The following SLC25A21 variants were observed in gnomAD, a reference collection of about 807,000 sequenced individuals.
The protein encoded by SLC25A21 is solute carrier family 25 member 21, also known as mitochondrial 2-oxodicarboxylate carrier.
In SLC25A21, 47 loss-of-function variants were observed where a neutral mutation model predicts 43.8. That is an observed-to-expected ratio of 1.07 (90% CI 0.85 to 1.37). The LOEUF (loss-of-function observed/expected upper bound fraction) is 1.37. SLC25A21 is among the 40% of genes most tolerant of loss of function. The pLI is 0.00. For synonymous variants in SLC25A21, 131 were observed against 121.3 expected, an observed-to-expected ratio of 1.08 and a Z score of -0.52; for missense variants, 352 against 350.2, an observed-to-expected ratio of 1.00 and a Z score of -0.04.
intron 2 of SLC25A21, among the ~76,000 whole-genome samples, chr14:36,861,320 C>T (rs1890059692): frequency 6.6e-6 from 1 of 152,190 alleles, no homozygotes; most frequent in African/African-American, 2.4e-5. Context: ...CTAGAATGTT[C>T]ATGATAGCCA....
chr14:36,707,412 A>G (rs1883620677), intron 7 of SLC25A21, among the ~76,000 whole-genome samples: 1 of 152,158 alleles, frequency 6.6e-6, no homozygotes, highest in Non-Finnish European at 1.5e-5. Flanking sequence ...TTCAATGATG[A>G]CTGAAAGCCA....
intron 1 of SLC25A21, among the ~76,000 whole-genome samples, chr14:37,145,458 CACACACACACACACACACAG>C (rs1359450357): frequency 5.6e-3 from 218 of 39,152 alleles, no homozygotes; most frequent in African/African-American, 0.011. Flanking sequence ...CACACACACA[CACACACACACACACACACAG>C]AGAGATGAGC....
chr14:37,066,985 T>C (rs1160738678), intron 1 of SLC25A21, among the ~76,000 whole-genome samples: 1 of 151,952 alleles, frequency 6.6e-6, no homozygotes, highest in Non-Finnish European at 1.5e-5. Context: ...ATACTAGCAC[T>C]CTAAAAAATG....
At chr14:37,163,186 A>G (rs927781581) in intron 1 of SLC25A21, among the ~76,000 whole-genome samples, 10 of 151,986 alleles carry the variant, frequency 6.6e-5, no homozygotes, top group African/African-American at 2.4e-4. Flanking sequence ...GATATACCTA[A>G]TGCTAGATGA....
chr14:36,783,656 A>T (rs1258882340), intron 3 of SLC25A21, among the ~76,000 whole-genome samples: 2 of 152,090 alleles, frequency 1.3e-5, no homozygotes, highest in Admixed American at 1.3e-4. Flanking sequence ...GGAAAGGGGG[A>T]CATGGGTAAA....
In SLC25A21 at chr14:36,678,954, A is replaced by C. The variant is rs1882046664; in HGVS notation, c.*1704T>G. On this transcript the variant is annotated 3_prime_UTR_variant, in exon 10 of 10. Coordinates refer to ENST00000331299, the MANE Select transcript of SLC25A21 (RefSeq NM_030631.4). Reference sequence around the variant, plus strand: ...TGGATTAAAGGGTTAACTTTTAAAGATTATTATTGGTTAATGTTGACATAT... The same window carrying C: ...TGGATTAAAGGGTTAACTTTTAAAGCTTATTATTGGTTAATGTTGACATAT... 1.0e-6 allele frequency: 1 copy of C among 982,126 alleles called. No homozygotes were observed. Among genetic ancestry groups the C allele is most frequent in the African/African-American group, 1.7e-5 (1 of 57,186 alleles). The allele number at this position is 982,126 out of a possible 1,614,324, so 60.8% of individuals were successfully genotyped here.
intron 1 of SLC25A21, among the ~76,000 whole-genome samples, chr14:36,999,548 T>G (rs1960442635): frequency 6.6e-6 from 1 of 152,158 alleles, no homozygotes; most frequent in South Asian, 2.1e-4. Context: ...GGTTCATCAA[T>G]TGTAACAAAT....
intron 2 of SLC25A21, among the ~76,000 whole-genome samples, chr14:36,852,649 G>A (rs752412554): frequency 2.0e-5 from 3 of 152,088 alleles, no homozygotes; most frequent in South Asian, 2.1e-4. Flanking sequence ...TCTTATTGGC[G>A]TGTGTGTATG....
chr14:37,086,739 C>T (rs1056173196), intron 1 of SLC25A21, among the ~76,000 whole-genome samples: 3 of 152,060 alleles, frequency 2.0e-5, no homozygotes, highest in African/African-American at 7.2e-5. Context: ...TGAGTTAATC[C>T]ATGTGGAGTA....
At chr14:36,964,688 CTATAAA>C (rs1270388042) in intron 1 of SLC25A21, among the ~76,000 whole-genome samples, 1 of 152,176 alleles carries the variant, frequency 6.6e-6, no homozygotes, top group African/African-American at 2.4e-5. Context: ...TAAGCAGTGA[CTATAAA>C]TATAAGTAGA....
chr14:36,953,901 GA>G (rs1959255739), intron 1 of SLC25A21, among the ~76,000 whole-genome samples: 1 of 152,074 alleles, frequency 6.6e-6, no homozygotes, highest in Non-Finnish European at 1.5e-5. Context: ...ACTCTGAAGG[GA>G]AAAAAATTGT....
intron 1 of SLC25A21, among the ~76,000 whole-genome samples, chr14:36,977,956 A>T (rs868635627): frequency 0.024 from 1,654 of 69,870 alleles, 18 homozygotes; most frequent in African/African-American, 0.071. Context: ...TTTTTTTTTA[A>T]AAAAAAAAAA....
At chr14:36,970,379 T>C (rs1594727340) in intron 1 of SLC25A21, among the ~76,000 whole-genome samples, 1 of 152,160 alleles carries the variant, frequency 6.6e-6, no homozygotes, top group African/African-American at 2.4e-5. Flanking sequence ...TTCACTAACA[T>C]ACATGGAAGT....
chr14:37,126,369 A>AT (rs34473280), intron 1 of SLC25A21, among the ~76,000 whole-genome samples: 137 of 149,934 alleles, frequency 9.1e-4, no homozygotes, highest in South Asian at 2.1e-3. Flanking sequence ...AATATACCTA[A>AT]TTTTTTTTTT....
At chr14:36,898,057 A>G (rs1891294201) in intron 1 of SLC25A21, among the ~76,000 whole-genome samples, 1 of 152,186 alleles carries the variant, frequency 6.6e-6, no homozygotes, top group Non-Finnish European at 1.5e-5. Flanking sequence ...ACTCTCTTCA[A>G]AGCTGTCAGA....
intron 3 of SLC25A21, among the ~76,000 whole-genome samples, chr14:36,765,038 CTG>C (rs1886362093): frequency 6.6e-6 from 1 of 152,226 alleles, no homozygotes; most frequent in Non-Finnish European, 1.5e-5. Context: ...TCAATGGGCT[CTG>C]TGATTTCCTT....
At chr14:37,119,518 C>G (rs1963166735) in intron 1 of SLC25A21, among the ~76,000 whole-genome samples, 1 of 151,702 alleles carries the variant, frequency 6.6e-6, no homozygotes, top group Non-Finnish European at 1.5e-5. Context: ...GATAGTGCCA[C>G]TATACTCCAG....
chr14:36,832,429 A>G (rs1363850365), intron 2 of SLC25A21, among the ~76,000 whole-genome samples: 4 of 152,174 alleles, frequency 2.6e-5, no homozygotes, highest in Non-Finnish European at 5.9e-5. Context: ...GAATTTTCTC[A>G]TAAATATCCT....
Position 36,835,631 on chromosome 14 carries a change from A to G in SLC25A21, c.120-21630T>C, listed in dbSNP as rs191817379. Among the ~76,000 whole-genome samples the G allele has an allele frequency of 3.6e-3, 544 of 152,356 alleles. 4 individuals carry two copies. The highest frequency in any genetic ancestry group is 0.013 in the African/African-American group (532 of 41,580). ...ACACAAAGGATACAATTCATTTTTTACAAACACACAAGGACCCTAATATCT... is the reference window on the plus strand; with the variant it reads ...ACACAAAGGATACAATTCATTTTTTGCAAACACACAAGGACCCTAATATCT... On this transcript the variant is annotated intron_variant, in intron 2 of 9. Transcript: ENST00000331299.
Sources: gnomAD v4.1 joint callset for allele counts (sites outside exome capture counted in the v4.1 genomes callset) on GRCh38, gnomAD v4.1.1 for gene constraint, MANE v1.5 for transcripts, NCBI Gene and HGNC (gene_info 2026-07-23, HGNC 2026-07-21) for gene names.